TMEM132D: variants seen among roughly 807,000 people sequenced by gnomAD.
TMEM132D encodes transmembrane protein 132D, also known as mature OL transmembrane protein.
In TMEM132D, 21 loss-of-function variants were observed where a neutral mutation model predicts 62.3. The observed-to-expected ratio is 0.34, with a 90% confidence interval of 0.24 to 0.49. The LOEUF (loss-of-function observed/expected upper bound fraction) is 0.49. Among genes scored for constraint, TMEM132D ranks in the 20% least tolerant of loss-of-function variants. The pLI is 0.99. For synonymous variants in TMEM132D, 621 were observed against 575.6 expected, an observed-to-expected ratio of 1.08 and a Z score of -1.13; for missense variants, 1,346 against 1,402.8, an observed-to-expected ratio of 0.96 and a Z score of 0.65.
At chr12:129,409,778 C>G (rs1252846234) in intron 3 of TMEM132D, among the ~76,000 whole-genome samples, 1 of 152,202 alleles carries the variant, frequency 6.6e-6, no homozygotes, top group Admixed American at 6.5e-5. Flanking sequence ...TACCGAGCTT[C>G]CCCATTGCCT....
At chr12:129,108,647 C>T (rs1171787134) in intron 5 of TMEM132D, among the ~76,000 whole-genome samples, 1 of 152,146 alleles carries the variant, frequency 6.6e-6, no homozygotes, top group East Asian at 1.9e-4. Flanking sequence ...GGGAAGCACT[C>T]CCTGGCTCTT....
intron 1 of TMEM132D, among the ~76,000 whole-genome samples, chr12:129,771,993 TCCC>T (rs1244322597): frequency 2.0e-5 from 3 of 152,134 alleles, no homozygotes; most frequent in Admixed American, 2.0e-4. Context: ...CAGTGATATC[TCCC>T]CCAAGAAAGC....
intron 5 of TMEM132D, among the ~76,000 whole-genome samples, chr12:129,129,641 G>A (rs1476667206): frequency 3.3e-5 from 5 of 152,046 alleles, no homozygotes; most frequent in South Asian, 4.1e-4. Flanking sequence ...GCACAGCCTC[G>A]CCAGCTCTGT....
At chr12:129,749,754 C>T (rs967246266) in intron 1 of TMEM132D, among the ~76,000 whole-genome samples, 12 of 152,118 alleles carry the variant, frequency 7.9e-5, no homozygotes, top group African/African-American at 2.2e-4. Context: ...CATGAGCCAC[C>T]GCGCCTAGCC....
intron 1 of TMEM132D, among the ~76,000 whole-genome samples, chr12:129,814,324 C>G (rs1340063643): frequency 6.6e-6 from 1 of 152,214 alleles, no homozygotes; most frequent in Non-Finnish European, 1.5e-5. Context: ...TTTTTAAAAA[C>G]TAACGCCAGG....
intron 2 of TMEM132D, among the ~76,000 whole-genome samples, chr12:129,539,872 C>T (rs968587769): frequency 5.3e-5 from 8 of 152,160 alleles, no homozygotes; most frequent in South Asian, 2.1e-4. Flanking sequence ...ACGGGCTAGC[C>T]ACCTGCCAAC....
chr12:129,540,211 C>T (rs772634891), intron 2 of TMEM132D, among the ~76,000 whole-genome samples: 5 of 152,190 alleles, frequency 3.3e-5, no homozygotes, highest in South Asian at 2.1e-4. Context: ...GAAGGGTCCC[C>T]GAGGCCAGGC....
chr12:129,193,158 A>T (rs1878453760), intron 5 of TMEM132D, among the ~76,000 whole-genome samples: 1 of 12,052 alleles, frequency 8.3e-5, no homozygotes. Flanking sequence ...ATTCTGTCTC[A>T]AAAAAAAAAA....
At chr12:129,795,173 A>G (rs559864159) in intron 1 of TMEM132D, among the ~76,000 whole-genome samples, 1 of 152,308 alleles carries the variant, frequency 6.6e-6, no homozygotes, top group Non-Finnish European at 1.5e-5. Context: ...AGTTTCTTTC[A>G]TCCCTTCCAG....
chr12:129,716,807 G>A (rs1868594422), intron 1 of TMEM132D, among the ~76,000 whole-genome samples: 1 of 152,182 alleles, frequency 6.6e-6, no homozygotes, highest in Non-Finnish European at 1.5e-5. Flanking sequence ...AAAAATGTGG[G>A]TTGGGTTAAA....
intron 3 of TMEM132D, among the ~76,000 whole-genome samples, chr12:129,487,926 G>T (rs1874637109): frequency 9.6e-6 from 1 of 104,344 alleles, no homozygotes; most frequent in African/African-American, 3.9e-5. Context: ...AACAGAGGGA[G>T]ACTCCATCTC....
At chr12:129,710,519 A>T (rs778945768) in intron 1 of TMEM132D, among the ~76,000 whole-genome samples, 18 of 151,582 alleles carry the variant, frequency 1.2e-4, no homozygotes, top group South Asian at 2.1e-4. Flanking sequence ...CTGGTCTCGA[A>T]CTCCCGACCT....
At chr12:129,712,242 A>G (rs1270434054) in intron 1 of TMEM132D, among the ~76,000 whole-genome samples, 2 of 152,068 alleles carry the variant, frequency 1.3e-5, no homozygotes, top group Non-Finnish European at 2.9e-5. Flanking sequence ...CTCCTGCCTC[A>G]GCCTCCCAAG....
At chr12:129,499,700 T>C (rs535481291) in intron 3 of TMEM132D, among the ~76,000 whole-genome samples, 2 of 152,166 alleles carry the variant, frequency 1.3e-5, no homozygotes, top group Non-Finnish European at 2.9e-5. Flanking sequence ...AGTGGAAACA[T>C]GGCTTGGGAA....
rs539358417 is a variant in TMEM132D, at chr12:129,450,526, A to C, written c.1115+80533T>G. 1.2e-4 allele frequency among the ~76,000 whole-genome samples: 18 copies of C among 152,268 alleles called. No homozygotes were observed. In the East Asian group the frequency reaches 3.3e-3, roughly 28 times the overall value. On this transcript the variant is annotated intron_variant, in intron 3 of 8. Coordinates refer to ENST00000422113, the MANE Select transcript of TMEM132D (RefSeq NM_133448.3). ...CCCATGTAAGTGAAGAGGCTACATG[A>C]AATTTCAAGTAAGAGTAAAATGCAC...
chr12:129,615,963 G>A (rs988493551), intron 2 of TMEM132D, among the ~76,000 whole-genome samples: 1 of 152,102 alleles, frequency 6.6e-6, no homozygotes, highest in Non-Finnish European at 1.5e-5. Context: ...CACCTGCCTG[G>A]CCCAGGGAGG....
intron 2 of TMEM132D, among the ~76,000 whole-genome samples, chr12:129,642,877 C>T (rs572752464): frequency 6.8e-6 from 1 of 147,526 alleles, no homozygotes; most frequent in African/African-American, 2.5e-5. Flanking sequence ...ATTCTGACAA[C>T]AATGGAGAAT....
intron 5 of TMEM132D, among the ~76,000 whole-genome samples, chr12:129,175,680 C>A (rs1343869997): frequency 1.3e-5 from 2 of 152,130 alleles, no homozygotes; most frequent in Non-Finnish European, 2.9e-5. Context: ...TTCACTCCAG[C>A]CTGGGCAAAA....
chr12:129,128,656 G>T (rs913542264), intron 5 of TMEM132D, among the ~76,000 whole-genome samples: 1 of 152,154 alleles, frequency 6.6e-6, no homozygotes, highest in Non-Finnish European at 1.5e-5. Context: ...TGTTACATGG[G>T]TATATTGCAT....
Sources: allele counts gnomAD v4.1 joint callset (sites outside exome capture counted in the v4.1 genomes callset), GRCh38; gene constraint gnomAD v4.1.1; transcripts MANE v1.5; gene names NCBI Gene and HGNC (gene_info 2026-07-23, HGNC 2026-07-21).